Variants in KITLG observed in about 807,000 individuals in gnomAD.
KITLG encodes the protein c-Kit ligand.
In KITLG, 13 loss-of-function variants were observed where a neutral mutation model predicts 34.1. The ratio of observed to expected loss-of-function variants is 0.38; its 90% CI spans 0.25 to 0.61. KITLG has a LOEUF of 0.61. Ranked by LOEUF, KITLG falls within the 20% of genes least tolerant of loss-of-function variation. The pLI is 0.60. For synonymous variants in KITLG, 110 were observed against 104.0 expected (o/e 1.06, Z -0.35); for missense variants, 292 against 318.9 (o/e 0.92, Z 0.64).
In KITLG at chr12:88,505,059, T is replaced by C. The variant is rs1008736068; in HGVS notation, c.*37+100A>G. On this transcript the variant is annotated intron_variant, in intron 9 of 9. Coordinates refer to ENST00000644744, the MANE Select transcript of KITLG (RefSeq NM_000899.5). ...GGGTGCAGCACACCAACATGGCACA[T>C]GTAAACATACGTAACAAACCTGCAC... 19 of 634,570 alleles carry C rather than the reference T, an allele frequency of 3.0e-5. No individual in the cohort carries two copies. In the African/African-American group the frequency reaches 3.4e-4, roughly 11 times the overall value. The allele number at this position is 634,570 out of a possible 1,614,324, so 39.3% of individuals were successfully genotyped here. A position where few individuals can be genotyped will look rare whatever the true frequency, so the allele number is the denominator to read the frequency against.
At position 88,515,683 on chromosome 12, in the gene KITLG, AG is replaced by A. The variant is rs1017338047; in HGVS notation, c.521-67del. The A allele has an allele frequency of 2.5e-6, 3 of 1,191,422 alleles. No homozygotes were observed. In the African/African-American group the frequency reaches 4.5e-5, roughly 18 times the overall value. The allele number at this position is 1,191,422 out of a possible 1,614,324, so 73.8% of individuals were successfully genotyped here. The stretch of plus-strand genomic sequence containing the variant: ...TTGTATGAGTTATAGAGTCCCTGAA[AG>A]GTGAAGTGCAATACCAGATTACTTG... On this transcript the variant is annotated intron_variant, in intron 5 of 9. Transcript: ENST00000644744.
At chr12:88,575,707 G>A (rs1424169533) in intron 1 of KITLG, among the ~76,000 whole-genome samples, 2 of 152,164 alleles carry the variant, frequency 1.3e-5, no homozygotes, top group Non-Finnish European at 1.5e-5. Flanking sequence ...CAAGAACAGT[G>A]TGTAAGACCA....
intron 9 of KITLG, among the ~76,000 whole-genome samples, chr12:88,498,086 T>G (rs966892022): frequency 6.6e-6 from 1 of 152,176 alleles, no homozygotes; most frequent in Non-Finnish European, 1.5e-5. Flanking sequence ...AGTATTTGTA[T>G]TTCCTTCTCT....
chr12:88,518,884 A>G lies in KITLG; in HGVS notation c.193-17T>C, dbSNP rs1272227503. The G allele has an allele frequency of 6.2e-7, 1 of 1,611,244 alleles. No homozygotes were observed. On this transcript the variant is annotated splice_polypyrimidine_tract_variant and intron_variant, in intron 3 of 9. Coordinates refer to ENST00000644744, the MANE Select transcript of KITLG (RefSeq NM_000899.5). ...ATGACTTGGCTGCAAGATATGAAAA[A>G]AGAGACAAAACAGCTATTTTAATAA... is the stretch of plus-strand genomic sequence containing the variant.
intron 7 of KITLG, among the ~76,000 whole-genome samples, chr12:88,506,710 A>T (rs548049377): frequency 1.7e-4 from 26 of 152,324 alleles, no homozygotes; most frequent in Non-Finnish European, 3.4e-4. Context: ...AAAGAGTAGA[A>T]ATCCAAAATA....
intron 1 of KITLG, among the ~76,000 whole-genome samples, chr12:88,555,348 ATAT>A (rs2120936736): frequency 6.6e-6 from 1 of 152,288 alleles, no homozygotes; most frequent in South Asian, 2.1e-4. Flanking sequence ...AACCAGGTAG[ATAT>A]TATTACCCTA....
rs1200977793 is a variant in KITLG, at chr12:88,565,355, GGTGGCTCAGGCCT to G, written c.15+14896_15+14908del. Among the ~76,000 whole-genome samples, 5 of 152,236 alleles carry G rather than the reference GGTGGCTCAGGCCT, an allele frequency of 3.3e-5. No individual in the cohort carries two copies. In the East Asian group the frequency reaches 7.7e-4, roughly 24 times the overall value. On this transcript the variant is annotated intron_variant, in intron 1 of 9. Transcript: ENST00000644744. ...ATCAAAAAAAATCTCGGCTGGGCAC[GGTGGCTCAGGCCT>G]GTAATCCCAGCACTCTGGGAGGTTG... is the stretch of plus-strand genomic sequence containing the variant.
intron 1 of KITLG, among the ~76,000 whole-genome samples, chr12:88,570,753 G>A (rs1871621863): frequency 1.3e-5 from 2 of 151,748 alleles, no homozygotes; most frequent in Non-Finnish European, 2.9e-5. Context: ...ATTTTTCTTT[G>A]TTAAAAAAAA....
intron 1 of KITLG, among the ~76,000 whole-genome samples, chr12:88,567,421 AG>A (rs1452571839): frequency 1.3e-5 from 2 of 152,336 alleles, no homozygotes; most frequent in Non-Finnish European, 2.9e-5. Context: ...TCCATCAAAA[AG>A]AACATAACAG....
At chr12:88,560,042 G>A (rs1871246769) in intron 1 of KITLG, among the ~76,000 whole-genome samples, 1 of 152,208 alleles carries the variant, frequency 6.6e-6, no homozygotes, top group South Asian at 2.1e-4. Context: ...TCAAATCCTG[G>A]TGCTGTCACG....
At chr12:88,509,968 CAA>C (rs1247451545) in intron 6 of KITLG, among the ~76,000 whole-genome samples, 1 of 152,130 alleles carries the variant, frequency 6.6e-6, no homozygotes, top group Non-Finnish European at 1.5e-5. Context: ...TGATTTTATG[CAA>C]AGATAGCCTG....
chr12:88,552,774 A>G (rs894048088), intron 1 of KITLG, among the ~76,000 whole-genome samples: 3 of 152,158 alleles, frequency 2.0e-5, no homozygotes, highest in Middle Eastern at 3.4e-3. Flanking sequence ...AAAAAAAAAA[A>G]CGCTTTTGGA....
intron 2 of KITLG, among the ~76,000 whole-genome samples, chr12:88,537,426 T>C (rs1384412562): frequency 6.6e-6 from 1 of 151,894 alleles, no homozygotes; most frequent in African/African-American, 2.4e-5. Context: ...GACTAAACAC[T>C]GCATACTCAT....
rs1248188848 is a variant in KITLG at position 88,516,350 on chromosome 12, T to C, written c.504A>G (p.Thr168=). Reference sequence around the variant, plus strand: ...ATGTCTTACCTTTCTCAGGACTTAATGTTGAAGAAACCACACAATCACTAG... The same window carrying C: ...ATGTCTTACCTTTCTCAGGACTTAACGTTGAAGAAACCACACAATCACTAG... ...SETSDCVVSS[T]LSPEKDSRVS... The change falls in exon 5 of 10, where the codon ACA becomes ACG. Residue 168 remains threonine (T), a synonymous_variant. Transcript: ENST00000644744. 1 of 1,611,020 alleles carries C rather than the reference T, an allele frequency of 6.2e-7. No individual in the cohort carries two copies. Among genetic ancestry groups the C allele is most frequent in the South Asian group, 1.1e-5 (1 of 91,018 alleles).
chr12:88,554,054 C>G (rs919900640), intron 1 of KITLG, among the ~76,000 whole-genome samples: 7 of 152,118 alleles, frequency 4.6e-5, no homozygotes, highest in Non-Finnish European at 1.0e-4. Flanking sequence ...CAGAGCTTTC[C>G]TTACAGTAAA....
At chr12:88,500,695 G>A (rs1868819600) in intron 9 of KITLG, among the ~76,000 whole-genome samples, 1 of 152,140 alleles carries the variant, frequency 6.6e-6, no homozygotes, top group African/African-American at 2.4e-5. Flanking sequence ...TGGATATTTG[G>A]CATAAGCTAT....
chr12:88,544,564 C>A (rs1246728849), intron 2 of KITLG, among the ~76,000 whole-genome samples: 1 of 151,350 alleles, frequency 6.6e-6, no homozygotes, highest in Admixed American at 6.6e-5. Context: ...CAATAGCTAA[C>A]TGGGTATATA....
At chr12:88,545,629 A>T (rs1259970610) in intron 2 of KITLG, 123 bp downstream of exon 2, 2 of 627,176 alleles carry the variant, frequency 3.2e-6, no homozygotes, top group African/African-American at 1.8e-5. Flanking sequence ...CCCAGTGATT[A>T]CTTTCCCCAC....
At chr12:88,567,965 T>G (rs145326289) in intron 1 of KITLG, among the ~76,000 whole-genome samples, 2 of 152,344 alleles carry the variant, frequency 1.3e-5, no homozygotes, top group African/African-American at 4.8e-5. Context: ...TTGAGGCTCA[T>G]TTTAGAAGAC....
Sources: gnomAD v4.1 joint callset for allele counts (sites outside exome capture counted in the v4.1 genomes callset) on GRCh38, gnomAD v4.1.1 for gene constraint, MANE v1.5 for transcripts, NCBI Gene and HGNC (gene_info 2026-07-23, HGNC 2026-07-21) for gene names.